NDFIP2: variants seen among roughly 807,000 people sequenced by gnomAD.
NDFIP2 encodes Nedd4 family interacting protein 2, also known as NEDD4 family-interacting protein 2.
Under a neutral mutation model 36.0 loss-of-function variants are expected in NDFIP2, and 19 were observed. The ratio of observed to expected loss-of-function variants is 0.53; its 90% CI spans 0.37 to 0.77. NDFIP2 has a LOEUF of 0.77. NDFIP2 is among the 30% of genes least tolerant of loss of function. The pLI is 0.00. For synonymous variants in NDFIP2, 181 were observed against 167.7 expected (o/e 1.08, Z -0.61); for missense variants, 446 against 435.8 (o/e 1.02, Z -0.21).
intron 2 of NDFIP2, 107 bp downstream of exon 2, chr13:79,521,082 G>A: frequency 2.3e-6 from 2 of 878,952 alleles, no homozygotes; most frequent in South Asian, 1.9e-5. Context: ...ATATACACAT[G>A]GATATTTATA....
In NDFIP2 at chr13:79,493,584, C is replaced by T. The variant is rs1036978756; in HGVS notation, c.321+12060C>T. 3.3e-5 allele frequency among the ~76,000 whole-genome samples: 5 copies of T among 152,104 alleles called. No homozygotes were observed. In the East Asian group the frequency reaches 9.6e-4, roughly 29 times the overall value. On this transcript the variant is annotated intron_variant, in intron 1 of 7. Transcript: ENST00000218652. ...CATTTTCTTCAATCTTCTCATTTTA[C>T]AGAAGACTATCCGAGGGAGGTTCTG...
At chr13:79,487,472 T>C (rs549063468) in intron 1 of NDFIP2, among the ~76,000 whole-genome samples, 7 of 152,372 alleles carry the variant, frequency 4.6e-5, no homozygotes, top group African/African-American at 1.4e-4. Context: ...AAAGCTGTTA[T>C]ATTCTTGTAC....
At chr13:79,485,778 C>G (rs1172208885) in intron 1 of NDFIP2, among the ~76,000 whole-genome samples, 1 of 152,162 alleles carries the variant, frequency 6.6e-6, no homozygotes, top group East Asian at 1.9e-4. Flanking sequence ...AAGAAGCTTT[C>G]TACTTCTCTT....
intron 1 of NDFIP2, among the ~76,000 whole-genome samples, chr13:79,487,797 GGGCCCTCC>G (rs1399707304): frequency 1.3e-5 from 2 of 151,922 alleles, no homozygotes; most frequent in Admixed American, 1.3e-4. Flanking sequence ...TTTTTTGAAT[GGGCCCTCC>G]CTACCTGTAC....
chr13:79,520,470 C>G (rs1161542678), intron 1 of NDFIP2, among the ~76,000 whole-genome samples: 2 of 152,078 alleles, frequency 1.3e-5, no homozygotes, highest in African/African-American at 4.8e-5. Context: ...TACAGTAGGC[C>G]CCCTTATCCA....
chr13:79,500,300 A>G (rs1345058548), intron 1 of NDFIP2, among the ~76,000 whole-genome samples: 1 of 152,018 alleles, frequency 6.6e-6, no homozygotes, highest in Non-Finnish European at 1.5e-5. Flanking sequence ...GAGAAAAGCT[A>G]GATGACCTTG....
rs1355435614 is a variant in NDFIP2 at position 79,555,559 on chromosome 13, G to A, written c.*3046G>A. ...TGTTTTCTAATGAACCATTTGGCCT[G>A]TAGAAGAGGAATAGTATTTTTTTTA... On this transcript the variant is annotated 3_prime_UTR_variant, in exon 8 of 8. Coordinates refer to ENST00000218652, the MANE Select transcript of NDFIP2 (RefSeq NM_019080.3). 6.6e-6 allele frequency: 1 copy of A among 151,882 alleles called. No individual in the cohort carries two copies. Among genetic ancestry groups the A allele is most frequent in the Non-Finnish European group, 1.5e-5 (1 of 67,912 alleles). 9.4% of individuals were successfully genotyped at this position (151,882 alleles called of 1,614,324 possible).
At chr13:79,527,816 A>G (rs569962039) in intron 2 of NDFIP2, among the ~76,000 whole-genome samples, 143 of 152,306 alleles carry the variant, frequency 9.4e-4, no homozygotes, top group African/African-American at 3.4e-3. Context: ...GTATTCCAGA[A>G]GGCATTTGTT....
intron 6 of NDFIP2, among the ~76,000 whole-genome samples, chr13:79,549,959 C>T (rs1000687005): frequency 6.6e-6 from 1 of 151,912 alleles, no homozygotes; most frequent in South Asian, 2.1e-4. Flanking sequence ...ATTTACTACA[C>T]ACATGCTTCT....
intron 2 of NDFIP2, among the ~76,000 whole-genome samples, chr13:79,524,226 A>G (rs1444198891): frequency 1.3e-5 from 2 of 152,112 alleles, no homozygotes; most frequent in Non-Finnish European, 2.9e-5. Flanking sequence ...TTCATCAAGC[A>G]TATTGGCAAA....
At chr13:79,551,542 G>GA (rs1875910643) in intron 7 of NDFIP2, among the ~76,000 whole-genome samples, 4 of 151,376 alleles carry the variant, frequency 2.6e-5, no homozygotes, top group Admixed American at 2.6e-4. Flanking sequence ...ATCTGGTGGA[G>GA]AAAAAAATCT....
intron 1 of NDFIP2, among the ~76,000 whole-genome samples, chr13:79,504,106 A>C (rs73551564): frequency 0.043 from 6,543 of 152,224 alleles, 485 homozygotes; most frequent in African/African-American, 0.15. Flanking sequence ...GGTTCTAGAG[A>C]TAGAGGGAAA....
chr13:79,539,648 T>G (rs963249376), intron 3 of NDFIP2, 34 bp from the exon 4 acceptor site: 5 of 1,547,688 alleles, frequency 3.2e-6, no homozygotes, highest in Admixed American at 3.4e-5. Context: ...AGTTGTAATT[T>G]TTAGTGAGCT....
chr13:79,505,523 G>T (rs1407826565), intron 1 of NDFIP2, among the ~76,000 whole-genome samples: 1 of 151,870 alleles, frequency 6.6e-6, no homozygotes, highest in African/African-American at 2.4e-5. Flanking sequence ...CCAGATACTT[G>T]GGAGGCTGAG....
chr13:79,540,347 CT>C (rs1298386558), intron 4 of NDFIP2, among the ~76,000 whole-genome samples: 1 of 152,130 alleles, frequency 6.6e-6, no homozygotes, highest in African/African-American at 2.4e-5. Context: ...ATTTAATCTT[CT>C]TGAGGGAAGA....
intron 1 of NDFIP2, among the ~76,000 whole-genome samples, chr13:79,488,608 A>G (rs982433675): frequency 1.3e-5 from 2 of 152,176 alleles, no homozygotes; most frequent in African/African-American, 4.8e-5. Flanking sequence ...GTAAGGGAGC[A>G]GTTTTTAGAT....
At chr13:79,543,855 C>A (rs1475516907) in intron 5 of NDFIP2, among the ~76,000 whole-genome samples, 173 bp downstream of exon 5, 1 of 152,110 alleles carries the variant, frequency 6.6e-6, no homozygotes, top group Non-Finnish European at 1.5e-5. Flanking sequence ...CACTTTATAA[C>A]TTTATCATAT....
At chr13:79,493,620 T>C (rs889578903) in intron 1 of NDFIP2, among the ~76,000 whole-genome samples, 5 of 152,168 alleles carry the variant, frequency 3.3e-5, no homozygotes, top group South Asian at 2.1e-4. Context: ...TTCAAGGTTA[T>C]GCAGGAAAGC....
At chr13:79,504,050 T>C (rs1425842159) in intron 1 of NDFIP2, among the ~76,000 whole-genome samples, 2 of 152,184 alleles carry the variant, frequency 1.3e-5, no homozygotes, top group Non-Finnish European at 2.9e-5. Flanking sequence ...GGAGAGATCA[T>C]TTTATAAAAT....
Sources: gnomAD v4.1 joint callset for allele counts (sites outside exome capture counted in the v4.1 genomes callset) on GRCh38, gnomAD v4.1.1 for gene constraint, MANE v1.5 for transcripts, NCBI Gene and HGNC (gene_info 2026-07-23, HGNC 2026-07-21) for gene names.